RCE1: variants seen among roughly 807,000 people sequenced by gnomAD.
RCE1 encodes Ras converting CAAX endopeptidase 1, also known as CAAX prenyl protease 2.
In RCE1, 15 loss-of-function variants were observed where a neutral mutation model predicts 35.0. The observed-to-expected ratio is 0.43, with a 90% CI of 0.29 to 0.66. The LOEUF is 0.66. Ranked by LOEUF, RCE1 falls within the 30% of genes least tolerant of loss-of-function variation. The pLI, the probability that RCE1 is intolerant of heterozygous loss-of-function variation, is 0.17. For missense variants in RCE1, 434 were observed against 433.0 expected, an observed-to-expected ratio of 1.00 and a Z score of -0.02; for synonymous variants, 261 against 192.7, an observed-to-expected ratio of 1.35 and a Z score of -2.94.
In RCE1 at chr11:66,843,999, G is replaced by A; in HGVS notation, c.332G>A (p.Gly111Asp). ...LLTLMGFRLE[G>D]IFPAALLPLL... ...ACCCTGATGGGCTTCAGGCTGGAGGGCATTTTCCCAGCGGCGCTGCTGCCC... is the reference window on the plus strand; with the variant it reads ...ACCCTGATGGGCTTCAGGCTGGAGGACATTTTCCCAGCGGCGCTGCTGCCC... The change falls in exon 3 of 8, where the codon GGC becomes GAC. Residue 111 changes from glycine to aspartate, a missense_variant. Transcript: ENST00000309657. 1.2e-6 allele frequency: 2 copies of A among 1,614,132 alleles called. No homozygotes were observed. The highest frequency in any genetic ancestry group is 1.7e-6 in the Non-Finnish European group (2 of 1,180,020).
Position 66,845,904 on chromosome 11 carries a change from A to T in RCE1, c.799A>T (p.Met267Leu). The stretch of plus-strand genomic sequence containing the variant: ...TCTCTGCCATTCCTTCTGCAATTAC[A>T]TGGGTTTCCCAGCTGTTTGCGCGGC... ...PVLCHSFCNY[M>L]GFPAVCAALE... Residue 267 changes from methionine (M) to leucine (L), a missense_variant, in exon 8 of 8, where the codon ATG (methionine) becomes TTG (leucine). Coordinates refer to ENST00000309657, the MANE Select transcript of RCE1 (RefSeq NM_005133.3). 1 of 1,613,770 alleles carries T rather than the reference A, an allele frequency of 6.2e-7. No homozygotes were observed. The highest frequency in any genetic ancestry group is 2.2e-5 in the East Asian group (1 of 44,878).
In RCE1 at chr11:66,845,146, G is replaced by A; in HGVS notation, c.620-20G>A. 4 of 1,614,238 alleles carry A rather than the reference G, an allele frequency of 2.5e-6. No homozygotes were observed. The highest frequency in any genetic ancestry group is 2.2e-5 in the South Asian group (2 of 91,088). On this transcript the variant is annotated intron_variant, in intron 5 of 7. Coordinates refer to ENST00000309657, the MANE Select transcript of RCE1 (RefSeq NM_005133.3). ...AGGCTGGGAGGAATGACTGTGATGT[G>A]ATTGTCACCTTTTTCCCAGCCCATT... is the stretch of plus-strand genomic sequence containing the variant.
rs1458124394 is a variant in RCE1 at position 66,844,791 on chromosome 11, A to G, written c.452-78A>G. 2.7e-6 allele frequency: 4 copies of G among 1,463,864 alleles called. No individual in the cohort carries two copies. In the Admixed American group the frequency reaches 1.1e-4, roughly 39 times the overall value. The allele number at this position is 1,463,864 out of a possible 1,614,324, so 90.7% of individuals were successfully genotyped here. ...AGTTTGGCCAGGGTAAAGTTGTGGG[A>G]GAGGAGCCCTTGGAGCCTCTGGGGT... On this transcript the variant is annotated intron_variant, in intron 4 of 7. Transcript: ENST00000309657.
Position 66,845,200 on chromosome 11 carries a change from C to T in RCE1, c.654C>T (p.Phe218=). ...ACCATATTATTGAGCAGCTGCGTTT[C>T]CGCCAGAGCAGCGTGGGGAACATCT... ...HFHHIIEQLR[F]RQSSVGNIFL... is the part of the protein sequence containing the mutation. The change falls in exon 6 of 8, where the codon TTC becomes TTT. Residue 218 remains phenylalanine (F), a synonymous_variant. Transcript: ENST00000309657. 2 of 1,614,234 alleles carry T rather than the reference C, an allele frequency of 1.2e-6. No homozygotes were observed. The highest frequency in any genetic ancestry group is 1.7e-6 in the Non-Finnish European group (2 of 1,180,050).
In RCE1 at chr11:66,845,801, C is replaced by T. The variant is rs565888047; in HGVS notation, c.755-59C>T. On this transcript the variant is annotated intron_variant, in intron 7 of 7. Coordinates refer to ENST00000309657, the MANE Select transcript of RCE1 (RefSeq NM_005133.3). ...TTTCAGGGGATGAGGGTCACTAGCCCTGGAAGGGCCAGAGGAGGTGGTAGG... is the reference window on the plus strand; with the variant it reads ...TTTCAGGGGATGAGGGTCACTAGCCTTGGAAGGGCCAGAGGAGGTGGTAGG... 1.2e-5 allele frequency: 19 copies of T among 1,573,892 alleles called. No individual in the cohort carries two copies. In the South Asian group the frequency reaches 2.1e-4, roughly 17 times the overall value.
chr11:66,843,843 G>T lies in RCE1; in HGVS notation c.270G>T (p.Arg90Ser). ...SLSPLCVLLW[R>S]ELTGIQPGTS... ...CACCCCTGTGCGTGCTGCTCTGGAGGGAACTCACAGGCATCCAGGTGCGAA... is the reference window on the plus strand; with the variant it reads ...CACCCCTGTGCGTGCTGCTCTGGAGTGAACTCACAGGCATCCAGGTGCGAA... The change falls in exon 2 of 8, where the codon AGG becomes AGT. Residue 90 changes from arginine to serine, a missense_variant. Physicochemically the swap from Arg to Ser is moderately radical, Grantham distance 110. Transcript: ENST00000309657. The T allele has an allele frequency of 6.2e-7, 1 of 1,614,122 alleles. No homozygotes were observed. Among genetic ancestry groups the T allele is most frequent in the Non-Finnish European group, 8.5e-7 (1 of 1,180,030 alleles).
chr11:66,844,119 T>G, intron 3 of RCE1, 80 bp downstream of exon 3: 1 of 1,607,212 alleles, frequency 6.2e-7, no homozygotes, highest in Non-Finnish European at 8.5e-7. Context: ...TGTTTTTGGT[T>G]TTTGGTTGAT....
At chr11:66,844,647 C>T in intron 4 of RCE1, 2 of 797,406 alleles carry the variant, frequency 2.5e-6, no homozygotes, top group South Asian at 2.0e-5. Context: ...TTGGTGTCTC[C>T]AGAGTTTACT....
At position 66,846,291 on chromosome 11, in the gene RCE1, GGT is replaced by G; in HGVS notation, c.*199_*200del. 1 of 666,840 alleles carries G rather than the reference GGT, an allele frequency of 1.5e-6. No homozygotes were observed. The highest frequency in any genetic ancestry group is 3.0e-5 in the East Asian group (1 of 33,548). The allele number at this position is 666,840 out of a possible 1,614,324, so 41.3% of individuals were successfully genotyped here. A position where few individuals can be genotyped will look rare whatever the true frequency, so the allele number is the denominator to read the frequency against. ...AAAGGGTGCAGCCCCTTTTGAAAGG[GGT>G]GTTTACGAGCAGCTGTGAGTGAGGG... On this transcript the variant is annotated 3_prime_UTR_variant, in exon 8 of 8. Coordinates refer to ENST00000309657, the MANE Select transcript of RCE1 (RefSeq NM_005133.3).
Position 66,843,986 on chromosome 11 carries a change from T to G in RCE1, c.319T>G (p.Phe107Val). ...PGTSLLTLMG[F>V]RLEGIFPAAL... ...CACATCCCTGCTCACCCTGATGGGC[T>G]TCAGGCTGGAGGGCATTTTCCCAGC... is the stretch of plus-strand genomic sequence containing the variant. The change falls in exon 3 of 8, where the codon TTC (phenylalanine) becomes GTC (valine). Residue 107 changes from phenylalanine (F) to valine (V), a missense_variant. Transcript: ENST00000309657. 6.2e-7 allele frequency: 1 copy of G among 1,614,156 alleles called. No homozygotes were observed. The highest frequency in any genetic ancestry group is 1.1e-5 in the South Asian group (1 of 91,084).
intron 6 of RCE1, 100 bp downstream of exon 6, chr11:66,845,337 G>A: frequency 1.3e-6 from 2 of 1,590,566 alleles, no homozygotes; most frequent in South Asian, 1.1e-5. Flanking sequence ...GTATTGGAGA[G>A]GCCACTGACC....
chr11:66,843,461 G>T lies in RCE1; in HGVS notation c.6G>T (p.Ala2=). 2 of 1,408,842 alleles carry T rather than the reference G, an allele frequency of 1.4e-6. No homozygotes were observed. The highest frequency in any genetic ancestry group is 1.8e-6 in the Non-Finnish European group (2 of 1,095,546). 87.3% of individuals were successfully genotyped at this position (1,408,842 alleles called of 1,614,324 possible). ...GCGCCGCGGGTCAGGGCGCAATGGC[G>T]GCGCTGGGCGGGGATGGGCTGCGAC... is the stretch of plus-strand genomic sequence containing the variant. M[A]ALGGDGLRLL... is the part of the protein sequence containing the mutation. The change falls in exon 1 of 8, where the codon GCG becomes GCT. Residue 2 remains alanine (A), a synonymous_variant. Coordinates refer to ENST00000309657, the MANE Select transcript of RCE1 (RefSeq NM_005133.3).
chr11:66,843,442 C>A lies in RCE1; in HGVS notation c.-14C>A, dbSNP rs1945131331. On this transcript the variant is annotated 5_prime_UTR_variant, in exon 1 of 8. Transcript: ENST00000309657. Reference sequence around the variant, plus strand: ...GGGACTGCGTCACTGGTGCGCGCCGCGGGTCAGGGCGCAATGGCGGCGCTG... The same window carrying A: ...GGGACTGCGTCACTGGTGCGCGCCGAGGGTCAGGGCGCAATGGCGGCGCTG... The A allele has an allele frequency of 2.2e-6, 3 of 1,382,294 alleles. No homozygotes were observed. The highest frequency in any genetic ancestry group is 2.8e-6 in the Non-Finnish European group (3 of 1,080,654). The allele number at this position is 1,382,294 out of a possible 1,614,324, so 85.6% of individuals were successfully genotyped here.
chr11:66,845,424 C>T, intron 6 of RCE1, 76 bp from the exon 7 acceptor site: 2 of 1,610,754 alleles, frequency 1.2e-6, no homozygotes, highest in South Asian at 1.1e-5. Context: ...GATGGTCGGT[C>T]TTTGGCTGAT....
chr11:66,844,073 TTTG>T (rs764471153), intron 3 of RCE1, 34 bp downstream of exon 3: 16 of 1,613,712 alleles, frequency 9.9e-6, no homozygotes, highest in Non-Finnish European at 1.4e-5. Context: ...TCTTCTGGTC[TTTG>T]TTATCAGCCT....
chr11:66,844,625 C>G (rs1016966328), intron 4 of RCE1: 3 of 736,308 alleles, frequency 4.1e-6, no homozygotes, highest in Middle Eastern at 3.9e-4. Flanking sequence ...CAGAGCTAGT[C>G]TTGCTTAAAT....
intron 3 of RCE1, 91 bp from the exon 4 acceptor site, chr11:66,844,195 G>A: frequency 6.2e-7 from 1 of 1,600,090 alleles, no homozygotes; most frequent in Non-Finnish European, 8.6e-7. Flanking sequence ...ATCGTGGCTG[G>A]AGAGGATTTC....
Position 66,846,308 on chromosome 11 carries a change from G to T in RCE1, c.*213G>T. ...TTGAAAGGGGTGTTTACGAGCAGCTGTGAGTGAGGGGACAAGGGGCAGGTC... is the reference window on the plus strand; with the variant it reads ...TTGAAAGGGGTGTTTACGAGCAGCTTTGAGTGAGGGGACAAGGGGCAGGTC... On this transcript the variant is annotated 3_prime_UTR_variant, in exon 8 of 8. Coordinates refer to ENST00000309657, the MANE Select transcript of RCE1 (RefSeq NM_005133.3). The T allele has an allele frequency of 5.2e-6, 3 of 577,534 alleles. 1 individual carries two copies. Among genetic ancestry groups the T allele is most frequent in the Non-Finnish European group, 8.7e-6 (3 of 346,784 alleles). The allele number at this position is 577,534 out of a possible 1,614,324, so 35.8% of individuals were successfully genotyped here. A position where few individuals can be genotyped will look rare whatever the true frequency, so the allele number is the denominator to read the frequency against.
In RCE1 at chr11:66,844,281, C is replaced by T. The variant is rs775811748; in HGVS notation, c.373-5C>T. 8 of 1,614,058 alleles carry T rather than the reference C, an allele frequency of 5.0e-6. No homozygotes were observed. Among genetic ancestry groups the T allele is most frequent in the African/African-American group, 4.0e-5 (3 of 74,916 alleles). ...GTTATGGTGAAAGTGTTTTCTTGCC[C>T]TCAGATTCTTTTCCTGGGCCCACTG... On this transcript the variant is annotated splice_region_variant and splice_polypyrimidine_tract_variant and intron_variant, in intron 3 of 7. Coordinates refer to ENST00000309657, the MANE Select transcript of RCE1 (RefSeq NM_005133.3).
Sources: allele counts gnomAD v4.1 joint callset, GRCh38; gene constraint gnomAD v4.1.1; transcripts MANE v1.5; gene names NCBI Gene and HGNC (gene_info 2026-07-23, HGNC 2026-07-21).